The following RET variants were observed in gnomAD, a reference collection of about 807,000 sequenced individuals.
RET encodes proto-oncogene tyrosine-protein kinase receptor Ret.
In RET, 19 loss-of-function variants were observed where a neutral mutation model predicts 118.3. The ratio of observed to expected loss-of-function variants is 0.16; its 90% confidence interval spans 0.11 to 0.24. The LOEUF (loss-of-function observed/expected upper bound fraction) is 0.24. Ranked by LOEUF, RET falls within the 10% of genes least tolerant of loss-of-function variation. The probability of loss-of-function intolerance (pLI) is 1.00; values close to 1 mark genes in which losing one functional copy is unlikely to be tolerated. For missense variants in RET, 1,219 were observed against 1,502.1 expected (o/e 0.81, Z 3.12); for synonymous variants, 597 against 644.1 (o/e 0.93, Z 1.11).
chr10:43,105,207 C>G lies in RET; in HGVS notation c.867+14C>G. On this transcript the variant is annotated intron_variant, in intron 4 of 19. Transcript: ENST00000355710. ...AAGCGGAAGGAGGTGCTTGTCCGCGCGTGCTGTGGTCTACCCAGTGTCTGT... is the reference window on the plus strand; with the variant it reads ...AAGCGGAAGGAGGTGCTTGTCCGCGGGTGCTGTGGTCTACCCAGTGTCTGT... 1 of 1,612,504 alleles carries G rather than the reference C, an allele frequency of 6.2e-7. No individual in the cohort carries two copies. The highest frequency in any genetic ancestry group is 1.7e-4 in the Middle Eastern group (1 of 6,032).
chr10:43,100,253 C>T (rs992844515), intron 1 of RET, among the ~76,000 whole-genome samples: 4 of 152,202 alleles, frequency 2.6e-5, no homozygotes. Flanking sequence ...ATACTGCTTC[C>T]CCTGTTTCCT....
intron 12 of RET, 105 bp downstream of exon 12, chr10:43,116,836 G>C: frequency 7.1e-7 from 1 of 1,407,796 alleles, no homozygotes; most frequent in Non-Finnish European, 9.7e-7. Flanking sequence ...CCCCAATGCT[G>C]TTCTAGAGCG....
At chr10:43,093,246 C>A (rs1837446754) in intron 1 of RET, among the ~76,000 whole-genome samples, 1 of 152,032 alleles carries the variant, frequency 6.6e-6, no homozygotes. Context: ...ATTCAGTGGA[C>A]CCTGGCTCCT....
At chr10:43,127,397 T>C (rs1838359622) in intron 19 of RET, 1 of 1,060,298 alleles carries the variant, frequency 9.4e-7, no homozygotes, top group Middle Eastern at 4.2e-4. Flanking sequence ...GCTGGAGCAG[T>C]TGCTTTTTGA....
chr10:43,093,693 A>G (rs1315856211), intron 1 of RET, among the ~76,000 whole-genome samples: 1 of 152,202 alleles, frequency 6.6e-6, no homozygotes, highest in African/African-American at 2.4e-5. Flanking sequence ...TCCTGGGAGC[A>G]GCTGGGAGAA....
rs750675926 is a variant in RET, at chr10:43,102,597, C to G, written c.593C>G (p.Pro198Arg). The G allele has an allele frequency of 6.2e-7, 1 of 1,614,190 alleles. No homozygotes were observed. Among genetic ancestry groups the G allele is most frequent in the Admixed American group, 1.7e-5 (1 of 60,028 alleles). Residue 198 changes from proline to arginine, a missense_variant, in exon 3 of 20, where the codon CCC becomes CGC. By Grantham distance (103) the Pro-to-Arg change is moderately radical. This residue lies in a region of RET where 850 missense variants were observed against 969.6 expected (regional missense o/e 0.88). Transcript: ENST00000355710. ...CTGCTGCCTGTGCAGTTCTTGTGCC[C>G]CAACATCAGCGTGGCCTACAGGCTC... ...FRLLPVQFLC[P>R]NISVAYRLLE...
Position 43,114,730 on chromosome 10 carries a change from G to T in RET, c.2130G>T (p.Lys710Asn). ...MENQVSVDAFKILEDPKWEFP... is the reference protein window; with the variant it reads ...MENQVSVDAFNILEDPKWEFP... The stretch of plus-strand genomic sequence containing the variant: ...ACCAGGTCTCCGTGGATGCCTTCAA[G>T]ATCCTGGTGAGGGTCCCTGCGGGGC... Residue 710 changes from lysine to asparagine, a missense_variant, in exon 11 of 20, where the codon AAG becomes AAT. Around this residue, in one of 5 missense-constraint regions of RET, gnomAD observed 850 missense variants for 969.6 expected, o/e 0.88. Transcript: ENST00000355710. The surrounding 1 kb of genome is among the most constrained non-coding windows in gnomAD (Gnocchi z 4.6). 1 of 1,609,664 alleles carries T rather than the reference G, an allele frequency of 6.2e-7. No individual in the cohort carries two copies. Among genetic ancestry groups the T allele is most frequent in the South Asian group, 1.1e-5 (1 of 90,876 alleles).
intron 19 of RET, 197 bp downstream of exon 19, chr10:43,126,919 A>G (rs942708401): frequency 4.2e-6 from 6 of 1,439,116 alleles, no homozygotes; most frequent in Non-Finnish European, 5.5e-6. Context: ...TTCTAAAAGG[A>G]TGTGAAAATA....
rs140229788 is a variant in RET at position 43,124,808 on chromosome 10, G to A, written c.2940-75G>A. The A allele has an allele frequency of 5.7e-4, 805 of 1,420,510 alleles. 5 individuals carry two copies. The African/African-American group carries it at 8.0e-3, about 14-fold the overall frequency. 88.0% of individuals were successfully genotyped at this position (1,420,510 alleles called of 1,614,324 possible). Reference sequence around the variant, plus strand: ...GGGCCCAGGGTACAGGGCAGGGTGCGATGGCTGTGGTGGGCTGTCCTTCTG... The same window carrying A: ...GGGCCCAGGGTACAGGGCAGGGTGCAATGGCTGTGGTGGGCTGTCCTTCTG... On this transcript the variant is annotated intron_variant, in intron 17 of 19. Coordinates refer to ENST00000355710, the MANE Select transcript of RET (RefSeq NM_020975.6).
intron 1 of RET, among the ~76,000 whole-genome samples, chr10:43,079,080 C>T (rs543184315): frequency 2.6e-5 from 4 of 152,226 alleles, no homozygotes; most frequent in Non-Finnish European, 4.4e-5. Flanking sequence ...GGGGACAGCT[C>T]GGCCTCAAGC....
chr10:43,118,261 G>C, intron 12 of RET, 112 bp from the exon 13 acceptor site: 2 of 813,800 alleles, frequency 2.5e-6, no homozygotes, highest in Non-Finnish European at 4.2e-6. Context: ...GTCTTTGCAG[G>C]CCTCTCTGTC....
At position 43,124,790 on chromosome 10, in the gene RET, G is replaced by A. The variant is rs1018912471; in HGVS notation, c.2940-93G>A. 14 of 1,226,332 alleles carry A rather than the reference G, an allele frequency of 1.1e-5. No individual in the cohort carries two copies. In the Admixed American group the frequency reaches 2.0e-4, roughly 18 times the overall value. The allele number at this position is 1,226,332 out of a possible 1,614,324, so 76.0% of individuals were successfully genotyped here. A position where few individuals can be genotyped will look rare whatever the true frequency, so the allele number is the denominator to read the frequency against. On this transcript the variant is annotated intron_variant, in intron 17 of 19. Coordinates refer to ENST00000355710, the MANE Select transcript of RET (RefSeq NM_020975.6). ...TTGGAGACAGAGCACACTGGGCCCA[G>A]GGTACAGGGCAGGGTGCGATGGCTG...
At chr10:43,119,980 A>G (rs2132955114) in intron 14 of RET, 101 bp from the exon 15 acceptor site, 3 of 1,541,446 alleles carry the variant, frequency 1.9e-6, no homozygotes, top group African/African-American at 1.4e-5. Flanking sequence ...CCAGGCCGCT[A>G]CCCGGGCCAC....
Position 43,106,556 on chromosome 10 carries a change from A to G in RET, c.1048A>G (p.Thr350Ala). 1 of 1,613,470 alleles carries G rather than the reference A, an allele frequency of 6.2e-7. No homozygotes were observed. Among genetic ancestry groups the G allele is most frequent in the Non-Finnish European group, 8.5e-7 (1 of 1,179,704 alleles). The stretch of plus-strand genomic sequence containing the variant: ...GGCCAACGGCAGCTTCGTGCGGGCG[A>G]CCGTACATGACTATAGTAAGAGGGG... ...VQANGSFVRA[T>A]VHDYRLVLNR... The change falls in exon 5 of 20, where the codon ACC (threonine) becomes GCC (alanine). Residue 350 changes from threonine (T) to alanine (A), a missense_variant. Physicochemically the swap from Thr to Ala is moderately conservative, Grantham distance 58. Transcript: ENST00000355710. This position sits in a 1 kb window ranked among gnomAD's most constrained non-coding sequence, Gnocchi z 5.1.
chr10:43,101,170 G>T (rs1197593978), intron 2 of RET, among the ~76,000 whole-genome samples: 4 of 151,970 alleles, frequency 2.6e-5, no homozygotes, highest in African/African-American at 9.7e-5. Flanking sequence ...ACTTGGGCCT[G>T]TCCCAGGTGT....
chr10:43,125,051 A>T (rs1838301676), intron 18 of RET, 69 bp downstream of exon 18: 1 of 1,433,132 alleles, frequency 7.0e-7, no homozygotes, highest in Admixed American at 1.7e-5. Context: ...ACCCCAGGGC[A>T]GTAGTTTTAG....
At chr10:43,101,281 G>A (rs1484168635) in intron 2 of RET, among the ~76,000 whole-genome samples, 5 of 152,324 alleles carry the variant, frequency 3.3e-5, no homozygotes, top group African/African-American at 1.2e-4. Context: ...GACAGGAAAC[G>A]GTGATGCTGC....
At position 43,109,101 on chromosome 10, in the gene RET, C is replaced by T; in HGVS notation, c.1134C>T (p.Asp378=). 6.2e-7 allele frequency: 1 copy of T among 1,613,902 alleles called. No homozygotes were observed. The highest frequency in any genetic ancestry group is 1.1e-5 in the South Asian group (1 of 91,090). ...TGCAGCTGGCGGTGCTGGTCAATGA[C>T]TCAGACTTCCAGGGCCCAGGAGCGG... ...RTMQLAVLVN[D]SDFQGPGAGV... is the part of the protein sequence containing the mutation. The change falls in exon 6 of 20, where the codon GAC becomes GAT. Residue 378 remains aspartate, a synonymous_variant. Coordinates refer to ENST00000355710, the MANE Select transcript of RET (RefSeq NM_020975.6).
intron 4 of RET, among the ~76,000 whole-genome samples, chr10:43,105,534 C>T (rs61843233): frequency 6.6e-6 from 1 of 152,162 alleles, no homozygotes; most frequent in Non-Finnish European, 1.5e-5. Context: ...TAGCCCCCAA[C>T]GGGAGGGCCC....
Sources: gnomAD v4.1 joint callset for allele counts (sites outside exome capture counted in the v4.1 genomes callset) on GRCh38, gnomAD v4.1.1 for gene constraint, gnomAD v4.1.1 regional missense constraint, Gnocchi (gnomAD v3.1) non-coding constraint, MANE v1.5 for transcripts, NCBI Gene and HGNC (gene_info 2026-07-23, HGNC 2026-07-21) for gene names.